STON2: variants seen among roughly 807,000 people sequenced by gnomAD.
The protein encoded by STON2 is stonin 2.
In STON2, 29 loss-of-function variants were observed where a neutral mutation model predicts 65.7. That is an observed-to-expected ratio of 0.44 (90% confidence interval 0.33 to 0.60). STON2 has a LOEUF of 0.60. STON2 is among the 20% of genes least tolerant of loss of function. The pLI is 0.03. For missense variants in STON2, 1,054 were observed against 1,118.1 expected (o/e 0.94, Z 0.82); for synonymous variants, 404 against 414.2 (o/e 0.98, Z 0.30).
intron 4 of STON2, among the ~76,000 whole-genome samples, chr14:81,348,969 T>A (rs1897921236): frequency 1.3e-5 from 2 of 152,076 alleles, no homozygotes; most frequent in Admixed American, 6.6e-5. Flanking sequence ...TCAACAAAGG[T>A]GTTAAGAACA....
intron 3 of STON2, among the ~76,000 whole-genome samples, chr14:81,376,279 G>T (rs1041278731): frequency 2.6e-5 from 4 of 151,824 alleles, no homozygotes; most frequent in Non-Finnish European, 5.9e-5. Context: ...GCAAATAACA[G>T]TAGGAATGAA....
intron 5 of STON2, among the ~76,000 whole-genome samples, chr14:81,290,199 T>C (rs1359241731): frequency 1.3e-5 from 2 of 152,250 alleles, no homozygotes; most frequent in East Asian, 3.8e-4. Context: ...TAGTCTCACC[T>C]TCTCAGAAGT....
chr14:81,320,292 C>T (rs372461604), intron 5 of STON2, among the ~76,000 whole-genome samples: 2 of 150,356 alleles, frequency 1.3e-5, no homozygotes, highest in African/African-American at 4.9e-5. Flanking sequence ...ACCTTCACTT[C>T]TATGAATTCT....
At chr14:81,359,476 G>A (rs1460047509) in intron 4 of STON2, among the ~76,000 whole-genome samples, 2 of 152,028 alleles carry the variant, frequency 1.3e-5, no homozygotes, top group African/African-American at 4.8e-5. Flanking sequence ...CAAGAAAACA[G>A]AGAAAGCTGA....
At position 81,392,068 on chromosome 14, in the gene STON2, G is replaced by A. The variant is rs369657350; in HGVS notation, c.373+3826C>T. Among the ~76,000 whole-genome samples, 14 of 152,244 alleles carry A rather than the reference G, an allele frequency of 9.2e-5. No individual in the cohort carries two copies. The East Asian group carries it at 2.3e-3, about 25-fold the overall frequency. On this transcript the variant is annotated intron_variant, in intron 3 of 7. Transcript: ENST00000614646. ...CTTGCCTTGGAGGTAAAATTTAAGAGGGTGCCAAAAAACTCAGTAATCAAA... is the reference window on the plus strand; with the variant it reads ...CTTGCCTTGGAGGTAAAATTTAAGAAGGTGCCAAAAAACTCAGTAATCAAA...
chr14:81,290,405 G>T (rs1385680482), intron 5 of STON2, among the ~76,000 whole-genome samples: 1 of 152,174 alleles, frequency 6.6e-6, no homozygotes, highest in Non-Finnish European at 1.5e-5. Flanking sequence ...TATGGGCAAA[G>T]AAAGAGAGCT....
intron 5 of STON2, among the ~76,000 whole-genome samples, chr14:81,320,613 T>A (rs1401997981): frequency 6.6e-6 from 1 of 151,296 alleles, no homozygotes; most frequent in Non-Finnish European, 1.5e-5. Context: ...CATGCACACA[T>A]CTTACTTAAT....
At chr14:81,383,901 T>A (rs893618296) in intron 3 of STON2, among the ~76,000 whole-genome samples, 18 of 152,308 alleles carry the variant, frequency 1.2e-4, no homozygotes, top group African/African-American at 3.8e-4. Flanking sequence ...GTCCTCAACA[T>A]GTCTGCCAAG....
intron 2 of STON2, among the ~76,000 whole-genome samples, chr14:81,426,727 C>T (rs1211893026): frequency 6.6e-6 from 1 of 152,182 alleles, no homozygotes; most frequent in Non-Finnish European, 1.5e-5. Context: ...CACAGTTTCT[C>T]TCATGTTCAT....
chr14:81,429,714 A>C (rs1022011789), intron 1 of STON2, among the ~76,000 whole-genome samples: 1 of 152,108 alleles, frequency 6.6e-6, no homozygotes, highest in African/African-American at 2.4e-5. Flanking sequence ...CAGGTGGACC[A>C]CCTGAGGTCA....
At chr14:81,403,913 T>C (rs12588572), upstream of STON2, among the ~76,000 whole-genome samples, 35,644 of 152,078 alleles carry the variant, frequency 0.23, 6,101 homozygotes, top group African/African-American at 0.46. Context: ...CTATCTTAAC[T>C]TACACTCATT....
chr14:81,385,879 T>A (rs1899774407), intron 3 of STON2, among the ~76,000 whole-genome samples: 1 of 152,256 alleles, frequency 6.6e-6, no homozygotes, highest in East Asian at 1.9e-4. Flanking sequence ...GGTAGAGGCA[T>A]GGGCTGTGAA....
At chr14:81,354,048 A>G (rs1006731185) in intron 4 of STON2, among the ~76,000 whole-genome samples, 4 of 152,230 alleles carry the variant, frequency 2.6e-5, no homozygotes, top group Non-Finnish European at 5.9e-5. Context: ...AGCTTGTCCT[A>G]TCTTTCCTGA....
chr14:81,268,070 T>C lies in STON2; in HGVS notation c.*344A>G. 1 of 996,382 alleles carries C rather than the reference T, an allele frequency of 1.0e-6. No individual in the cohort carries two copies. The highest frequency in any genetic ancestry group is 1.7e-5 in the African/African-American group (1 of 57,500). 61.7% of individuals were successfully genotyped at this position (996,382 alleles called of 1,614,324 possible). ...GTGCTAACACTGATGTGGGAGGTTC[T>C]TTTCCTGACTGTAACAGTCACAACA... On this transcript the variant is annotated 3_prime_UTR_variant, in exon 8 of 8. Transcript: ENST00000614646.
At chr14:81,408,303 AAGG>A (rs1337473556) in intron 2 of STON2, among the ~76,000 whole-genome samples, 1 of 152,200 alleles carries the variant, frequency 6.6e-6, no homozygotes, top group Non-Finnish European at 1.5e-5. Flanking sequence ...TAAAAAACAA[AAGG>A]AGACCACCCA....
At chr14:81,357,493 G>C (rs1283943163) in intron 4 of STON2, among the ~76,000 whole-genome samples, 1 of 150,462 alleles carries the variant, frequency 6.6e-6, no homozygotes, top group Admixed American at 6.6e-5. Flanking sequence ...TCAGTGTGGC[G>C]ATTCCTCAGG....
rs1249112534 is a variant in STON2 at position 81,278,727 on chromosome 14, G to A, written c.755C>T (p.Ser252Leu). 3.3e-6 allele frequency: 5 copies of A among 1,515,358 alleles called. No homozygotes were observed. The highest frequency in any genetic ancestry group is 4.6e-5 in the Admixed American group (2 of 43,730). 93.9% of individuals were successfully genotyped at this position (1,515,358 alleles called of 1,614,324 possible). A position where few individuals can be genotyped will look rare whatever the true frequency, so the allele number is the denominator to read the frequency against. The change falls in exon 6 of 8, where the codon TCG becomes TTG. Residue 252 changes from serine (S) to leucine (L), a missense_variant. Physicochemically the swap from Ser to Leu is moderately radical, Grantham distance 145. Coordinates refer to ENST00000614646, the MANE Select transcript of STON2 (RefSeq NM_001394390.1). ...GASAPNDNSS[S>L]LQEDEEVEME... The stretch of plus-strand genomic sequence containing the variant: ...CTCTACTTCTTCATCTTCTTGAAGC[G>A]AGGAGGAATTGTCTAAAAGGAAAAG...
chr14:81,321,640 T>G (rs1302809157), intron 5 of STON2, among the ~76,000 whole-genome samples: 4 of 152,150 alleles, frequency 2.6e-5, no homozygotes, highest in Non-Finnish European at 4.4e-5. Flanking sequence ...AAAGAAATGC[T>G]AAATTCACCA....
chr14:81,434,570 T>C (rs1902339025), intron 1 of STON2, among the ~76,000 whole-genome samples: 1 of 152,108 alleles, frequency 6.6e-6, no homozygotes, highest in Non-Finnish European at 1.5e-5. Flanking sequence ...GGGCATTTTG[T>C]TTGCATCCTT....
Sources: gnomAD v4.1 joint callset for allele counts (sites outside exome capture counted in the v4.1 genomes callset) on GRCh38, gnomAD v4.1.1 for gene constraint, MANE v1.5 for transcripts, NCBI Gene and HGNC (gene_info 2026-07-23, HGNC 2026-07-21) for gene names.